The following MARVELD3 variants were observed in gnomAD, a reference collection of about 807,000 sequenced individuals.
MARVELD3 encodes MARVEL domain containing 3.
In MARVELD3, 28 loss-of-function variants were observed where a neutral mutation model predicts 33.5. The observed-to-expected ratio is 0.84, with a 90% CI of 0.62 to 1.15. MARVELD3 has a LOEUF of 1.15. MARVELD3 is among the 50% of genes most tolerant of loss of function. MARVELD3 has a pLI of 0.00. For synonymous variants in MARVELD3, 241 were observed against 230.4 expected (o/e 1.05, Z -0.42); for missense variants, 582 against 547.6 (o/e 1.06, Z -0.63).
At chr16:71,627,802 G>T (rs1290958703) in intron 1 of MARVELD3, among the ~76,000 whole-genome samples, 1 of 152,166 alleles carries the variant, frequency 6.6e-6, no homozygotes, top group Admixed American at 6.5e-5. Context: ...GACAAGAGGG[G>T]ACCTGGTCCC....
chr16:71,637,456 C>T (rs892667599), downstream of MARVELD3, among the ~76,000 whole-genome samples: 1 of 152,138 alleles, frequency 6.6e-6, no homozygotes, highest in South Asian at 2.1e-4. Context: ...TTCACTTGCT[C>T]TGCTGTAGGG....
At chr16:71,628,251 C>T (rs28681277) in intron 1 of MARVELD3, among the ~76,000 whole-genome samples, 5,802 of 152,152 alleles carry the variant, frequency 0.038, 367 homozygotes, top group African/African-American at 0.13. Flanking sequence ...AACCACTGTC[C>T]GAGCCGGACG....
Position 71,626,844 on chromosome 16 carries a change from G to A in MARVELD3, c.467+148G>A. On this transcript the variant is annotated intron_variant, in intron 1 of 2. Transcript: ENST00000268485. The surrounding 1 kb of genome is among the most constrained non-coding windows in gnomAD (Gnocchi z 5.3). Reference sequence around the variant, plus strand: ...TTCTCCCTTCTGCGCTCTCAGAGGCGACCTGGCAGGGAAGGAAAACTTTAG... The same window carrying A: ...TTCTCCCTTCTGCGCTCTCAGAGGCAACCTGGCAGGGAAGGAAAACTTTAG... The A allele has an allele frequency of 2.9e-6, 2 of 690,210 alleles. No homozygotes were observed. Among genetic ancestry groups the A allele is most frequent in the Non-Finnish European group, 4.3e-6 (2 of 461,298 alleles). 42.8% of individuals were successfully genotyped at this position (690,210 alleles called of 1,614,324 possible). A position where few individuals can be genotyped will look rare whatever the true frequency, so the allele number is the denominator to read the frequency against.
At position 71,626,823 on chromosome 16, in the gene MARVELD3, C is replaced by T. The variant is rs2044478251; in HGVS notation, c.467+127C>T. 1 of 817,984 alleles carries T rather than the reference C, an allele frequency of 1.2e-6. No homozygotes were observed. Among genetic ancestry groups the T allele is most frequent in the Admixed American group, 4.0e-5 (1 of 24,878 alleles). 50.7% of individuals were successfully genotyped at this position (817,984 alleles called of 1,614,324 possible). A position where few individuals can be genotyped will look rare whatever the true frequency, so the allele number is the denominator to read the frequency against. On this transcript the variant is annotated intron_variant, in intron 1 of 2. Coordinates refer to ENST00000268485, the MANE Select transcript of MARVELD3 (RefSeq NM_052858.6). This position sits in a 1 kb window ranked among gnomAD's most constrained non-coding sequence, Gnocchi z 5.3. ...GTTTAAATGAACAAATGCCGTTTCT[C>T]CCTTCTGCGCTCTCAGAGGCGACCT...
chr16:71,640,264 C>CAAAAAAA, downstream of MARVELD3: 1 of 889,060 alleles, frequency 1.1e-6, no homozygotes. Context: ...GACACCGTCT[C>CAAAAAAA]AAAAAAAAAA....
At position 71,626,846 on chromosome 16, in the gene MARVELD3, C is replaced by T; in HGVS notation, c.467+150C>T. The T allele has an allele frequency of 1.5e-6, 1 of 685,966 alleles. No homozygotes were observed. Among genetic ancestry groups the T allele is most frequent in the Non-Finnish European group, 2.2e-6 (1 of 457,414 alleles). 42.5% of individuals were successfully genotyped at this position (685,966 alleles called of 1,614,324 possible). A position where few individuals can be genotyped will look rare whatever the true frequency, so the allele number is the denominator to read the frequency against. On this transcript the variant is annotated intron_variant, in intron 1 of 2. Transcript: ENST00000268485. The surrounding 1 kb of genome is among the most constrained non-coding windows in gnomAD (Gnocchi z 5.3). ...CTCCCTTCTGCGCTCTCAGAGGCGA[C>T]CTGGCAGGGAAGGAAAACTTTAGGG... is the stretch of plus-strand genomic sequence containing the variant.
chr16:71,640,722 G>C (rs760111945), downstream of MARVELD3: 2 of 1,614,236 alleles, frequency 1.2e-6, no homozygotes, highest in South Asian at 1.1e-5. Flanking sequence ...CAGCCTCCTA[G>C]CGGCAGTGGG....
Position 71,626,571 on chromosome 16 carries a change from G to A in MARVELD3, c.342G>A (p.Arg114=). Residue 114 remains arginine (R), a synonymous_variant, in exon 1 of 3, where the codon CGG becomes CGA. Transcript: ENST00000268485. This position sits in a 1 kb window ranked among gnomAD's most constrained non-coding sequence, Gnocchi z 5.3. ...TTTGGGAAAAACCGCGCCAAAGCCG[G>A]ACGCGGGACGGAGCCCGGGGACTGA... is the stretch of plus-strand genomic sequence containing the variant. ...HGVWEKPRQS[R]TRDGARGLTW... is the part of the protein sequence containing the mutation. 1 of 1,547,272 alleles carries A rather than the reference G, an allele frequency of 6.5e-7. No individual in the cohort carries two copies. The highest frequency in any genetic ancestry group is 1.2e-5 in the South Asian group (1 of 84,044).
At position 71,634,961 on chromosome 16, in the gene MARVELD3, G is replaced by T; in HGVS notation, c.*158G>T. 1 of 1,420,076 alleles carries T rather than the reference G, an allele frequency of 7.0e-7. No homozygotes were observed. 88.0% of individuals were successfully genotyped at this position (1,420,076 alleles called of 1,614,324 possible). ...GGAGCTCCCAGTCGCATGGAGCGGT[G>T]TTCATGGATGCAACAGACCCTGGCT... On this transcript the variant is annotated 3_prime_UTR_variant, in exon 3 of 3. Transcript: ENST00000268485.
At chr16:71,637,386 A>G (rs560443071), downstream of MARVELD3, among the ~76,000 whole-genome samples, 1 of 152,342 alleles carries the variant, frequency 6.6e-6, no homozygotes, top group East Asian at 1.9e-4. Context: ...AAGGAAAACC[A>G]AGGGAGAGAA....
chr16:71,636,352 G>C lies in MARVELD3; in HGVS notation c.*1549G>C, dbSNP rs1213030552. On this transcript the variant is annotated 3_prime_UTR_variant, in exon 3 of 3. Coordinates refer to ENST00000268485, the MANE Select transcript of MARVELD3 (RefSeq NM_052858.6). ...GTATATGATTGGAAAATTTCTTGAAGAATAACATCAGAAAGTATTAAGTTT... is the reference window on the plus strand; with the variant it reads ...GTATATGATTGGAAAATTTCTTGAACAATAACATCAGAAAGTATTAAGTTT... 1 of 179,732 alleles carries C rather than the reference G, an allele frequency of 5.6e-6. No individual in the cohort carries two copies. The highest frequency in any genetic ancestry group is 1.1e-5 in the Non-Finnish European group (1 of 93,246). 11.1% of individuals were successfully genotyped at this position (179,732 alleles called of 1,614,324 possible).
downstream of MARVELD3, chr16:71,640,968 C>A (rs774293472): frequency 6.2e-7 from 1 of 1,613,700 alleles, no homozygotes; most frequent in East Asian, 2.2e-5. Flanking sequence ...CAAAGGCAGC[C>A]GAGAACAGCC....
rs948482599 is a variant in MARVELD3 at position 71,635,201 on chromosome 16, C to T, written c.*398C>T. On this transcript the variant is annotated 3_prime_UTR_variant, in exon 3 of 3. Coordinates refer to ENST00000268485, the MANE Select transcript of MARVELD3 (RefSeq NM_052858.6). ...AAAATTAGCCAGGCGTGGTGGCGGGCGCCTGTAATCCCAGCTACTTGGGAG... is the reference window on the plus strand; with the variant it reads ...AAAATTAGCCAGGCGTGGTGGCGGGTGCCTGTAATCCCAGCTACTTGGGAG... The T allele has an allele frequency of 8.1e-6, 6 of 739,394 alleles. No individual in the cohort carries two copies. The highest frequency in any genetic ancestry group is 9.9e-6 in the Non-Finnish European group (6 of 604,170). 45.8% of individuals were successfully genotyped at this position (739,394 alleles called of 1,614,324 possible).
chr16:71,640,910 C>T (rs755037149), downstream of MARVELD3: 3 of 1,614,116 alleles, frequency 1.9e-6, no homozygotes, highest in East Asian at 2.2e-5. Flanking sequence ...TCATGTACGG[C>T]GCCAGCGTGG....
intron 2 of MARVELD3, 60 bp downstream of exon 2, chr16:71,629,554 G>A (rs1202371284): frequency 6.7e-7 from 1 of 1,494,530 alleles, no homozygotes; most frequent in African/African-American, 1.5e-5. Context: ...GGAAGGGATG[G>A]TCTGAGCTGG....
Position 71,626,802 on chromosome 16 carries a change from A to C in MARVELD3, c.467+106A>C, listed in dbSNP as rs2044478056. ...GGGTTCTCGTCCTAGGAGCCCGTTT[A>C]AATGAACAAATGCCGTTTCTCCCTT... is the stretch of plus-strand genomic sequence containing the variant. On this transcript the variant is annotated intron_variant, in intron 1 of 2. Coordinates refer to ENST00000268485, the MANE Select transcript of MARVELD3 (RefSeq NM_052858.6). The surrounding 1 kb of genome is among the most constrained non-coding windows in gnomAD (Gnocchi z 5.3). 1.1e-6 allele frequency: 1 copy of C among 937,942 alleles called. No homozygotes were observed. Among genetic ancestry groups the C allele is most frequent in the Non-Finnish European group, 1.5e-6 (1 of 680,084 alleles). 58.1% of individuals were successfully genotyped at this position (937,942 alleles called of 1,614,324 possible). A position where few individuals can be genotyped will look rare whatever the true frequency, so the allele number is the denominator to read the frequency against.
At chr16:71,637,193 A>G (rs1019540463), downstream of MARVELD3, among the ~76,000 whole-genome samples, 6 of 152,216 alleles carry the variant, frequency 3.9e-5, no homozygotes, top group African/African-American at 1.4e-4. Flanking sequence ...TGGACCCAGC[A>G]GAAGACCATT....
chr16:71,632,082 A>T (rs979790), intron 2 of MARVELD3, among the ~76,000 whole-genome samples: 134,608 of 152,288 alleles, frequency 0.88, 59,708 homozygotes, highest in East Asian at 0.99. Flanking sequence ...TTATTCCATT[A>T]ACATGATATT....
chr16:71,640,979 C>G (rs2303225), downstream of MARVELD3: 584,069 of 1,612,618 alleles, frequency 0.36, 111,010 homozygotes, highest in East Asian at 0.66. Context: ...GAGAACAGCC[C>G]GGAAGTTACA....
Sources: gnomAD v4.1 joint callset for allele counts (sites outside exome capture counted in the v4.1 genomes callset) on GRCh38, gnomAD v4.1.1 for gene constraint, Gnocchi (gnomAD v3.1) non-coding constraint, MANE v1.5 for transcripts, NCBI Gene and HGNC (gene_info 2026-07-23, HGNC 2026-07-21) for gene names.